Variants in LILRB1 observed in about 807,000 individuals in gnomAD.
LILRB1 encodes the protein leukocyte immunoglobulin like receptor B1, also known as leukocyte immunoglobulin-like receptor subfamily B member 1.
Under a neutral mutation model 74.6 loss-of-function variants are expected in LILRB1, and 59 were observed. The ratio of observed to expected loss-of-function variants is 0.79; its 90% CI spans 0.64 to 0.98. The LOEUF is 0.98. LILRB1 is among the 50% of genes least tolerant of loss of function. LILRB1 has a pLI of 0.00. For missense variants in LILRB1, 804 were observed against 822.6 expected (o/e 0.98, Z 0.28); for synonymous variants, 328 against 333.9 (o/e 0.98, Z 0.19).
At chr19:54,619,463 T>C (rs1235379312) in intron 1 of LILRB1, among the ~76,000 whole-genome samples, 1 of 152,122 alleles carries the variant, frequency 6.6e-6, no homozygotes, top group African/African-American at 2.4e-5. Context: ...TAAAACAAGG[T>C]TTTAGTAAAA....
chr19:54,620,958 C>T (rs995931292), intron 1 of LILRB1, among the ~76,000 whole-genome samples: 6 of 152,010 alleles, frequency 3.9e-5, no homozygotes, highest in East Asian at 1.9e-4. Flanking sequence ...CTGCAACCTC[C>T]GGCTCCTGGG....
chr19:54,635,133 G>C lies in LILRB1; in HGVS notation c.1516G>C (p.Ala506Pro). Residue 506 changes from alanine to proline, a missense_variant, in exon 11 of 15, where the codon GCA (alanine) becomes CCA (proline). Ala to Pro is a conservative substitution (Grantham distance 27). Transcript: ENST00000324602. ...GAGAAAGGCTGATTTCCAACATCCT[G>C]CAGGGGCTGTGGGGCCAGAGCCCAC... is the stretch of plus-strand genomic sequence containing the variant. Reference protein sequence around the residue: ...TQRKADFQHPAGAVGPEPTDR... With the variant: ...TQRKADFQHPPGAVGPEPTDR... 1 of 1,590,874 alleles carries C rather than the reference G, an allele frequency of 6.3e-7. No individual in the cohort carries two copies. The highest frequency in any genetic ancestry group is 8.6e-7 in the Non-Finnish European group (1 of 1,163,542).
rs537885469 is a variant in LILRB1, at chr19:54,620,314, C to T, written c.-166+2965C>T. Among the ~76,000 whole-genome samples the T allele has an allele frequency of 9.9e-5, 15 of 152,142 alleles. No individual in the cohort carries two copies. In the South Asian group the frequency reaches 2.9e-3, roughly 29 times the overall value. ...TTATAATCAGTTTCTTAAAAATAAT[C>T]TATGTGGTAGATTGTAAAAAATAAC... is the stretch of plus-strand genomic sequence containing the variant. On this transcript the variant is annotated intron_variant, in intron 1 of 15. Coordinates refer to the LILRB1 transcript ENST00000396331.
At chr19:54,626,967 A>C (rs1030691225), upstream of LILRB1, among the ~76,000 whole-genome samples, 84 of 151,538 alleles carry the variant, frequency 5.5e-4, no homozygotes, top group South Asian at 0.011. Context: ...TGTGTCATGC[A>C]CACCCGGGAA....
chr19:54,637,620 TAAC>T lies in LILRB1; in HGVS notation c.*745_*747del, dbSNP rs1053092902. 1 of 148,646 alleles carries T rather than the reference TAAC, an allele frequency of 6.7e-6. No homozygotes were observed. Among genetic ancestry groups the T allele is most frequent in the African/African-American group, 2.5e-5 (1 of 40,268 alleles). 9.2% of individuals were successfully genotyped at this position (148,646 alleles called of 1,614,324 possible). ...AATGAAGGCGTAAGAAAGGGAATAA[TAAC>T]AATAATAAGAGGAGTTGTTCATGAG... On this transcript the variant is annotated 3_prime_UTR_variant, in exon 15 of 15. Coordinates refer to ENST00000324602, the MANE Select transcript of LILRB1 (RefSeq NM_001081637.3).
chr19:54,636,482 G>C lies in LILRB1; in HGVS notation c.1654-12G>C, dbSNP rs781478618. 1 of 1,610,792 alleles carries C rather than the reference G, an allele frequency of 6.2e-7. No homozygotes were observed. Among genetic ancestry groups the C allele is most frequent in the South Asian group, 1.1e-5 (1 of 90,906 alleles). On this transcript the variant is annotated splice_polypyrimidine_tract_variant and intron_variant, in intron 13 of 14. Coordinates refer to ENST00000324602, the MANE Select transcript of LILRB1 (RefSeq NM_001081637.3). ...GGATTCAAGGACACCCCCCACCACT[G>C]TCTCTCTCCAGCAGAGCCCACACGA...
chr19:54,631,658 C>T lies in LILRB1; in HGVS notation c.229C>T (p.Leu77Phe). ...CTGGATTACACGGATCCCACAGGAG[C>T]TTGTGAAGAAGGGCCAGTTCCCCAT... ...APWITRIPQE[L>F]VKKGQFPIPS... Residue 77 changes from leucine to phenylalanine, a missense_variant, in exon 4 of 15, where the codon CTT (leucine) becomes TTT (phenylalanine). Coordinates refer to ENST00000324602, the MANE Select transcript of LILRB1 (RefSeq NM_001081637.3). 1 of 1,614,278 alleles carries T rather than the reference C, an allele frequency of 6.2e-7. No homozygotes were observed. The highest frequency in any genetic ancestry group is 8.5e-7 in the Non-Finnish European group (1 of 1,180,044).
chr19:54,633,994 A>C lies in LILRB1; in HGVS notation c.1336A>C (p.Thr446Pro), dbSNP rs1568599033. The change falls in exon 9 of 15, where the codon ACC becomes CCC. Residue 446 changes from threonine to proline, a missense_variant. Thr to Pro is a conservative substitution (Grantham distance 38, BLOSUM62 -1). Coordinates refer to ENST00000324602, the MANE Select transcript of LILRB1 (RefSeq NM_001081637.3). ...TSAGPEDQPLTPTGSDPQSGL... is the reference protein window; with the variant it reads ...TSAGPEDQPLPPTGSDPQSGL... ...AGCAGGCCCTGAGGACCAGCCCCTC[A>C]CCCCCACCGGGTCGGATCCCCAGAG... is the stretch of plus-strand genomic sequence containing the variant. 2.5e-6 allele frequency: 4 copies of C among 1,597,346 alleles called. No individual in the cohort carries two copies. The East Asian group carries it at 9.0e-5, about 36-fold the overall frequency.
chr19:54,636,250 C>T (rs2064406739), intron 13 of LILRB1: 1 of 740,990 alleles, frequency 1.3e-6, no homozygotes. Context: ...CTGCAAAGGC[C>T]CCCAGGCAGC....
At chr19:54,629,685 C>G (rs565448305), upstream of LILRB1, among the ~76,000 whole-genome samples, 6 of 138,412 alleles carry the variant, frequency 4.3e-5, 1 homozygote, top group South Asian at 1.4e-3. Flanking sequence ...GAGCCCTGAG[C>G]CCCTCACTGT....
rs1039443512 is a variant in LILRB1, at chr19:54,633,452, G to T, written c.1261+134G>T. On this transcript the variant is annotated intron_variant, in intron 7 of 14. Transcript: ENST00000324602. ...CCAGTGGGAGACTCACCCTCAGAGG[G>T]AAGGAGGAGAACAGGGCCCTCCCAG... 3.7e-6 allele frequency: 5 copies of T among 1,334,812 alleles called. No homozygotes were observed. The African/African-American group carries it at 5.9e-5, about 16-fold the overall frequency. 82.7% of individuals were successfully genotyped at this position (1,334,812 alleles called of 1,614,324 possible).
intron 8 of LILRB1, 108 bp from the exon 9 acceptor site, chr19:54,633,863 G>A (rs1057506002): frequency 7.4e-5 from 109 of 1,473,352 alleles, no homozygotes; most frequent in Non-Finnish European, 9.1e-5. Flanking sequence ...GGTGAGGGGT[G>A]GGGGGTCAAG....
chr19:54,616,873 G>A (rs1023631700), upstream of LILRB1, among the ~76,000 whole-genome samples: 10 of 152,184 alleles, frequency 6.6e-5, no homozygotes, highest in African/African-American at 2.4e-4. Context: ...TTGTGGGAAT[G>A]TCTGGGGGTG....
chr19:54,633,219 A>G lies in LILRB1; in HGVS notation c.1162A>G (p.Thr388Ala). The change falls in exon 7 of 15, where the codon ACC becomes GCC. Residue 388 changes from threonine (T) to alanine (A), a missense_variant. Coordinates refer to ENST00000324602, the MANE Select transcript of LILRB1 (RefSeq NM_001081637.3). ...GGCTGAATTCCCCATGGGTCCTGTG[A>G]CCTCAGCCCATGCGGGGACCTACAG... is the stretch of plus-strand genomic sequence containing the variant. ...YQAEFPMGPV[T>A]SAHAGTYRCY... 1 of 1,614,100 alleles carries G rather than the reference A, an allele frequency of 6.2e-7. No homozygotes were observed. The highest frequency in any genetic ancestry group is 8.5e-7 in the Non-Finnish European group (1 of 1,180,016).
chr19:54,633,633 CCCAG>C lies in LILRB1; in HGVS notation c.1262-4_1262-1del. ...TCCTCAGCCTCCTCTCATTCTTTTA[CCCAG>C]GACCGTCTGGGGGCCCCAGCTCCCC... On this transcript the variant is annotated splice_acceptor_variant and splice_polypyrimidine_tract_variant and intron_variant, in intron 7 of 14. Transcript: ENST00000324602. LOFTEE classifies it high-confidence loss of function. 6 of 1,613,146 alleles carry C rather than the reference CCCAG, an allele frequency of 3.7e-6. No homozygotes were observed. Among genetic ancestry groups the C allele is most frequent in the Non-Finnish European group, 5.1e-6 (6 of 1,179,582 alleles).
chr19:54,630,733 C>CA, intron 1 of LILRB1, 100 bp downstream of exon 1: 1 of 644,120 alleles, frequency 1.6e-6, no homozygotes. Context: ...CTACCCTCGT[C>CA]AGGAAGGGCA....
In LILRB1 at chr19:54,635,182, A is replaced by T. The variant is rs757263142; in HGVS notation, c.1562+3A>T. The T allele has an allele frequency of 5.3e-5, 84 of 1,597,464 alleles. No homozygotes were observed. Among genetic ancestry groups the T allele is most frequent in the Non-Finnish European group, 6.6e-5 (77 of 1,167,970 alleles). ...ACAGACAGAGGCCTGCAGTGGAGGT[A>T]ATTCTGCCCGAAGACCCCAGACTCC... On this transcript the variant is annotated splice_donor_region_variant and intron_variant, in intron 11 of 14. Coordinates refer to ENST00000324602, the MANE Select transcript of LILRB1 (RefSeq NM_001081637.3).
chr19:54,626,482 C>G (rs1329031279), upstream of LILRB1, among the ~76,000 whole-genome samples: 1 of 152,150 alleles, frequency 6.6e-6, no homozygotes, highest in Non-Finnish European at 1.5e-5. Context: ...TCTTCTCATT[C>G]CATTTCTTGT....
At position 54,633,103 on chromosome 19, in the gene LILRB1, A is replaced by G. The variant is rs2146268870; in HGVS notation, c.1046A>G (p.Gln349Arg). Residue 349 changes from glutamine to arginine, a missense_variant, in exon 7 of 15, where the codon CAG (glutamine) becomes CGG (arginine). By Grantham distance (43) the Gln-to-Arg change is conservative. Coordinates refer to ENST00000324602, the MANE Select transcript of LILRB1 (RefSeq NM_001081637.3). Reference protein sequence around the residue: ...GENVTLLCQSQGWMQTFLLTK... With the variant: ...GENVTLLCQSRGWMQTFLLTK... ...AACGTGACCCTGCTGTGTCAGTCAC[A>G]GGGATGGATGCAAACTTTCCTTCTG... The G allele has an allele frequency of 2.5e-6, 4 of 1,614,262 alleles. No homozygotes were observed. The highest frequency in any genetic ancestry group is 3.4e-6 in the Non-Finnish European group (4 of 1,180,032).
Sources: allele counts gnomAD v4.1 joint callset (sites outside exome capture counted in the v4.1 genomes callset), GRCh38; gene constraint gnomAD v4.1.1; transcripts MANE v1.5; gene names NCBI Gene and HGNC (gene_info 2026-07-23, HGNC 2026-07-21).